BACH2: variants seen among roughly 807,000 people sequenced by gnomAD.
BACH2 encodes BACH transcriptional regulator 2.
BACH2 carries 5 observed loss-of-function variants against 61.8 expected under a neutral mutation model. The observed-to-expected ratio is 0.08, with a 90% CI of 0.04 to 0.17. BACH2 has a LOEUF of 0.17. Ranked by LOEUF, BACH2 falls within the 10% of genes least tolerant of loss-of-function variation. The pLI is 1.00. For synonymous variants in BACH2, 446 were observed against 440.1 expected, an observed-to-expected ratio of 1.01 and a Z score of -0.17; for missense variants, 824 against 1,091.1, an observed-to-expected ratio of 0.76 and a Z score of 3.45.
chr6:90,296,077 G>T, intron 1 of BACH2, among the ~76,000 whole-genome samples: 1 of 152,168 alleles, frequency 6.6e-6, no homozygotes, highest in East Asian at 1.9e-4. Flanking sequence ...CAGGGCCGCG[G>T]GTCTGACAGC....
intron 5 of BACH2, among the ~76,000 whole-genome samples, chr6:90,032,039 AG>A (rs1322634499): frequency 1.3e-5 from 2 of 152,202 alleles, no homozygotes; most frequent in African/African-American, 4.8e-5. Flanking sequence ...CAGAGTCCTC[AG>A]AAATAATGCC....
intron 5 of BACH2, among the ~76,000 whole-genome samples, chr6:90,011,749 C>T (rs772585924): frequency 3.9e-5 from 6 of 151,948 alleles, no homozygotes; most frequent in African/African-American, 9.7e-5. Context: ...AGCGAAACTG[C>T]GTCTTTACTA....
intron 6 of BACH2, among the ~76,000 whole-genome samples, chr6:89,991,647 A>C (rs949393737): frequency 2.0e-5 from 3 of 152,200 alleles, no homozygotes; most frequent in Non-Finnish European, 2.9e-5. Flanking sequence ...ATGTTGATAC[A>C]ATATTATAAA....
chr6:89,999,256 C>T (rs1777006535), intron 6 of BACH2, among the ~76,000 whole-genome samples: 1 of 152,192 alleles, frequency 6.6e-6, no homozygotes, highest in South Asian at 2.1e-4. Context: ...TAACAGCGAA[C>T]AGGAAACCTA....
chr6:90,085,305 C>T (rs1255896527), intron 5 of BACH2, among the ~76,000 whole-genome samples: 2 of 152,146 alleles, frequency 1.3e-5, no homozygotes, highest in African/African-American at 2.4e-5. Context: ...CTGGAATCTA[C>T]GGGAAGTCTG....
At chr6:90,019,488 T>C (rs1238681580) in intron 5 of BACH2, among the ~76,000 whole-genome samples, 1 of 152,234 alleles carries the variant, frequency 6.6e-6, no homozygotes, top group Non-Finnish European at 1.5e-5. Flanking sequence ...CCTGCTTCCA[T>C]GTTTGTAAAA....
At chr6:90,236,311 G>A (rs1029564975) in intron 3 of BACH2, among the ~76,000 whole-genome samples, 1 of 152,230 alleles carries the variant, frequency 6.6e-6, no homozygotes, top group East Asian at 1.9e-4. Flanking sequence ...CTAACGATTA[G>A]AAACAGTATG....
At chr6:89,945,507 C>A (rs1232076439) in intron 7 of BACH2, among the ~76,000 whole-genome samples, 2 of 152,196 alleles carry the variant, frequency 1.3e-5, no homozygotes, top group African/African-American at 4.8e-5. Context: ...AGTACATCTA[C>A]AGAGATAGAA....
chr6:90,022,311 C>T (rs765694571), intron 5 of BACH2, among the ~76,000 whole-genome samples: 5 of 152,186 alleles, frequency 3.3e-5, no homozygotes, highest in African/African-American at 4.8e-5. Flanking sequence ...CGGTCAGGCG[C>T]GGTGGCTCAT....
chr6:90,291,793 C>T (rs563366122), intron 1 of BACH2, among the ~76,000 whole-genome samples: 5 of 152,250 alleles, frequency 3.3e-5, no homozygotes, highest in South Asian at 2.1e-4. Flanking sequence ...AGCGATTTTC[C>T]GTCATTCCCA....
chr6:90,049,684 G>A (rs1214860539), intron 5 of BACH2, among the ~76,000 whole-genome samples: 2 of 152,064 alleles, frequency 1.3e-5, no homozygotes, highest in Admixed American at 6.6e-5. Context: ...CATAGAACAG[G>A]GTGACAGTTT....
At chr6:89,942,195 G>C (rs182183945) in intron 7 of BACH2, among the ~76,000 whole-genome samples, 4 of 150,830 alleles carry the variant, frequency 2.7e-5, no homozygotes, top group Non-Finnish European at 4.4e-5. Flanking sequence ...CAGGCACCGG[G>C]TCGGGGTGGG....
At chr6:90,151,961 T>C (rs1356172044) in intron 4 of BACH2, among the ~76,000 whole-genome samples, 2 of 152,256 alleles carry the variant, frequency 1.3e-5, no homozygotes, top group East Asian at 3.8e-4. Context: ...ACTTCAACTT[T>C]GCCTCAAAAG....
chr6:90,102,450 A>G (rs1392548301), intron 4 of BACH2, among the ~76,000 whole-genome samples: 1 of 152,166 alleles, frequency 6.6e-6, no homozygotes, highest in Non-Finnish European at 1.5e-5. Flanking sequence ...GTTTGTTTCA[A>G]TGAAAAACCA....
chr6:90,046,280 A>C (rs1349384384), intron 5 of BACH2, among the ~76,000 whole-genome samples: 1 of 152,250 alleles, frequency 6.6e-6, no homozygotes, highest in Non-Finnish European at 1.5e-5. Flanking sequence ...GTATGTGTCT[A>C]CCACATGCCA....
chr6:90,277,657 T>G (rs922980100), intron 1 of BACH2, among the ~76,000 whole-genome samples: 4 of 152,216 alleles, frequency 2.6e-5, no homozygotes, highest in African/African-American at 9.6e-5. Context: ...TAAAAAGAAA[T>G]AAAATTAATC....
intron 6 of BACH2, among the ~76,000 whole-genome samples, chr6:90,007,412 C>T (rs891731198): frequency 6.6e-6 from 1 of 152,100 alleles, no homozygotes; most frequent in African/African-American, 2.4e-5. Flanking sequence ...AGGGATCCTC[C>T]TGTGTCAGCC....
At chr6:90,213,966 G>A (rs765762869) in intron 3 of BACH2, among the ~76,000 whole-genome samples, 39 of 152,070 alleles carry the variant, frequency 2.6e-4, no homozygotes, top group Non-Finnish European at 4.1e-4. Context: ...AATAAATACT[G>A]AAGTTTTTTC....
intron 6 of BACH2, among the ~76,000 whole-genome samples, chr6:89,964,600 C>T (rs930572653): frequency 2.6e-5 from 4 of 152,150 alleles, no homozygotes; most frequent in Non-Finnish European, 5.9e-5. Context: ...GATTACGACC[C>T]GAATAGCAGT....
Sources: gnomAD v4.1 joint callset for allele counts (sites outside exome capture counted in the v4.1 genomes callset) on GRCh38, gnomAD v4.1.1 for gene constraint, MANE v1.5 for transcripts, NCBI Gene and HGNC (gene_info 2026-07-23, HGNC 2026-07-21) for gene names.